The following PDE1C variants were observed in gnomAD, a reference collection of about 807,000 sequenced individuals.
PDE1C encodes the protein phosphodiesterase 1C.
PDE1C carries 62 observed loss-of-function variants against 93.1 expected under a neutral mutation model. That is an observed-to-expected ratio of 0.67 (90% confidence interval 0.54 to 0.82). The LOEUF is 0.82. Among genes scored for constraint, PDE1C ranks in the 40% least tolerant of loss-of-function variants. The probability of loss-of-function intolerance (pLI) is 0.00; values close to 1 mark genes in which losing one functional copy is unlikely to be tolerated. For missense variants in PDE1C, 742 were observed against 884.6 expected, an observed-to-expected ratio of 0.84 and a Z score of 2.04; for synonymous variants, 325 against 310.1, an observed-to-expected ratio of 1.05 and a Z score of -0.50.
intron 17 of PDE1C, among the ~76,000 whole-genome samples, chr7:31,763,581 G>A (rs1489765554): frequency 6.6e-6 from 1 of 152,154 alleles, no homozygotes; most frequent in Non-Finnish European, 1.5e-5. Context: ...TTTAAAATGA[G>A]AATAGTAACT....
intron 2 of PDE1C, among the ~76,000 whole-genome samples, chr7:31,940,607 T>A (rs1235471447): frequency 6.6e-6 from 1 of 152,116 alleles, no homozygotes; most frequent in Non-Finnish European, 1.5e-5. Context: ...CCCATAGGGA[T>A]GGGTGCCCTG....
the PDE1C span, among the ~76,000 whole-genome samples, chr7:31,694,182 G>A: frequency 6.6e-6 from 1 of 152,104 alleles, no homozygotes; most frequent in African/African-American, 2.4e-5. Flanking sequence ...CAAAAATGCT[G>A]TGGATATTAA....
At chr7:32,023,743 T>C (rs181757028) in intron 2 of PDE1C, among the ~76,000 whole-genome samples, 193 of 152,178 alleles carry the variant, frequency 1.3e-3, no homozygotes, top group African/African-American at 4.5e-3. Context: ...GAGTAACAGT[T>C]GTCAAGGCTT....
chr7:32,254,231 C>T (rs1809614051), intron 1 of PDE1C, among the ~76,000 whole-genome samples: 1 of 152,146 alleles, frequency 6.6e-6, no homozygotes, highest in South Asian at 2.1e-4. Context: ...TCCATGGATA[C>T]CTCTAGAAAC....
chr7:32,114,080 A>G (rs1382571391), intron 3 of PDE1C, among the ~76,000 whole-genome samples: 1 of 152,182 alleles, frequency 6.6e-6, no homozygotes. Flanking sequence ...ATTCAATGCT[A>G]TTCTCATCAA....
At position 31,809,039 on chromosome 7, in the gene PDE1C, T is replaced by G. The variant is rs1787220155; in HGVS notation, c.1883A>C (p.Lys628Thr). ...DHSNIGNDSK[K>T]TDGTKQRSHG... ...GAGAATAATACTCTTACCATCTGTT[T>G]TCTTTGAATCATTTCCGATGTTAGA... The change falls in exon 16 of 18, where the codon AAA (lysine) becomes ACA (threonine). Residue 628 changes from lysine (K) to threonine (T), a missense_variant. By Grantham distance (78) the Lys-to-Thr change is moderately conservative. Coordinates refer to ENST00000396191, the MANE Select transcript of PDE1C (RefSeq NM_001191057.4). 1 of 1,568,918 alleles carries G rather than the reference T, an allele frequency of 6.4e-7. No homozygotes were observed. Among genetic ancestry groups the G allele is most frequent in the Non-Finnish European group, 8.8e-7 (1 of 1,140,340 alleles).
intron 7 of PDE1C, among the ~76,000 whole-genome samples, chr7:31,855,945 C>T (rs1211063071): frequency 6.6e-6 from 1 of 151,994 alleles, no homozygotes; most frequent in African/African-American, 2.4e-5. Flanking sequence ...TCTATTCAAT[C>T]AATAGATAGC....
At chr7:31,796,945 C>T (rs1220613721) in intron 16 of PDE1C, among the ~76,000 whole-genome samples, 1 of 151,758 alleles carries the variant, frequency 6.6e-6, no homozygotes, top group Non-Finnish European at 1.5e-5. Context: ...AATATTACAA[C>T]TCTCTCCTCC....
intron 2 of PDE1C, among the ~76,000 whole-genome samples, chr7:32,190,036 C>T (rs148297564): frequency 9.9e-4 from 151 of 152,356 alleles, no homozygotes; most frequent in Non-Finnish European, 1.8e-3. Context: ...TTACATCATG[C>T]ATGGGCTTTC....
chr7:31,830,588 G>C (rs1261113861), intron 11 of PDE1C, among the ~76,000 whole-genome samples: 1 of 151,800 alleles, frequency 6.6e-6, no homozygotes, highest in Non-Finnish European at 1.5e-5. Flanking sequence ...ATTCATGACA[G>C]ACAAACTAAA....
chr7:31,970,125 T>C (rs1394717248), intron 2 of PDE1C, among the ~76,000 whole-genome samples: 4 of 152,084 alleles, frequency 2.6e-5, no homozygotes, highest in African/African-American at 4.8e-5. Flanking sequence ...ACATGTACCC[T>C]AAAACTCAAA....
the PDE1C span, among the ~76,000 whole-genome samples, chr7:31,660,210 T>TA: frequency 6.6e-6 from 1 of 152,230 alleles, no homozygotes. Flanking sequence ...GCTATGTCTT[T>TA]ATTAGCAGCC....
chr7:31,884,356 C>CA lies in PDE1C; in HGVS notation c.129-3497dup, dbSNP rs555823409. Among the ~76,000 whole-genome samples the CA allele has an allele frequency of 1.5e-3, 226 of 150,936 alleles. 1 individual carries two copies. The highest frequency in any genetic ancestry group is 5.1e-3 in the African/African-American group (210 of 41,134). On this transcript the variant is annotated intron_variant, in intron 2 of 17. Transcript: ENST00000396191. ...CATCTGCTGTGTGTTCAATACAATT[C>CA]AAAAAAAACCCATAGATCTCTGAAA... is the stretch of plus-strand genomic sequence containing the variant.
intron 1 of PDE1C, among the ~76,000 whole-genome samples, chr7:32,403,465 C>T (rs537774568): frequency 1.3e-5 from 2 of 152,230 alleles, no homozygotes; most frequent in African/African-American, 2.4e-5. Flanking sequence ...GCAGTGAGAG[C>T]GGGCAGGGTG....
chr7:32,189,971 A>G (rs1170292840), intron 2 of PDE1C, among the ~76,000 whole-genome samples: 1 of 152,206 alleles, frequency 6.6e-6, no homozygotes, highest in Non-Finnish European at 1.5e-5. Context: ...TAGAAACCAC[A>G]TTAAAAACTT....
chr7:31,977,092 GC>G (rs1467875664), intron 2 of PDE1C, among the ~76,000 whole-genome samples: 8 of 152,254 alleles, frequency 5.3e-5, no homozygotes, highest in African/African-American at 1.9e-4. Context: ...CTAGATATCT[GC>G]TATAGTTTAA....
At chr7:31,927,403 C>G (rs769089620) in intron 2 of PDE1C, among the ~76,000 whole-genome samples, 1 of 152,186 alleles carries the variant, frequency 6.6e-6, no homozygotes, top group Non-Finnish European at 1.5e-5. Context: ...CCTGCCGGCT[C>G]TGAAGAGAGC....
intron 2 of PDE1C, among the ~76,000 whole-genome samples, chr7:32,048,525 G>A (rs980182449): frequency 6.6e-6 from 1 of 152,038 alleles, no homozygotes; most frequent in African/African-American, 2.4e-5. Context: ...AAAAAAAATA[G>A]AGAGGGAGAG....
intron 1 of PDE1C, among the ~76,000 whole-genome samples, chr7:32,250,417 T>C (rs1330728583): frequency 2.6e-5 from 4 of 152,146 alleles, no homozygotes; most frequent in Non-Finnish European, 4.4e-5. Flanking sequence ...AGGGAGCCTG[T>C]TAAAAATGGA....
Sources: allele counts gnomAD v4.1 joint callset (sites outside exome capture counted in the v4.1 genomes callset), GRCh38; gene constraint gnomAD v4.1.1; transcripts MANE v1.5; gene names NCBI Gene and HGNC (gene_info 2026-07-23, HGNC 2026-07-21).